Variants in SLC26A8 observed in about 807,000 individuals in gnomAD.
SLC26A8 encodes the protein solute carrier family 26 member 8.
A neutral mutation model predicts 105.0 loss-of-function variants in SLC26A8; 70 were observed. The observed-to-expected ratio is 0.67, with a 90% CI of 0.55 to 0.81. SLC26A8 has a LOEUF of 0.81. SLC26A8 is among the 40% of genes least tolerant of loss of function. The pLI is 0.00. For missense variants in SLC26A8, 998 were observed against 1,181.8 expected (o/e 0.84, Z 2.28); for synonymous variants, 415 against 438.3 (o/e 0.95, Z 0.66).
chr6:35,981,536 C>T lies in SLC26A8; in HGVS notation c.1025+585G>A, dbSNP rs1773266038. Among the ~76,000 whole-genome samples the T allele has an allele frequency of 6.6e-6, 1 of 152,134 alleles. No individual in the cohort carries two copies. Among genetic ancestry groups the T allele is most frequent in the Admixed American group, 6.6e-5 (1 of 15,262 alleles). On this transcript the variant is annotated intron_variant, in intron 8 of 19. Transcript: ENST00000490799. This position sits in a 1 kb window ranked among gnomAD's most constrained non-coding sequence, Gnocchi z 4.0. ...GCACGGCGGTGTACACCTGTAGTCCCAACTACTCAGAGAGCTGAGGAGGGA... is the reference window on the plus strand; with the variant it reads ...GCACGGCGGTGTACACCTGTAGTCCTAACTACTCAGAGAGCTGAGGAGGGA...
Position 36,019,412 on chromosome 6 carries a change from T to G in SLC26A8, c.188+108A>C, listed in dbSNP as rs540081414. The stretch of plus-strand genomic sequence containing the variant: ...AAAAATTGCACAATAAACTGCATGA[T>G]TCTGATTACAGGAACTCAGACAAGA... On this transcript the variant is annotated intron_variant, in intron 2 of 19. Transcript: ENST00000490799. 5 of 1,202,270 alleles carry G rather than the reference T, an allele frequency of 4.2e-6. No individual in the cohort carries two copies. The Admixed American group carries it at 1.2e-4, about 28-fold the overall frequency. 74.5% of individuals were successfully genotyped at this position (1,202,270 alleles called of 1,614,324 possible).
chr6:35,958,859 CT>C, intron 16 of SLC26A8, among the ~76,000 whole-genome samples: 1 of 152,274 alleles, frequency 6.6e-6, no homozygotes, highest in East Asian at 1.9e-4. Flanking sequence ...GAAGGGACTA[CT>C]TAGATCAAGT....
chr6:36,011,905 A>G (rs707992), intron 3 of SLC26A8, among the ~76,000 whole-genome samples: 148,944 of 152,344 alleles, frequency 0.98, 72,818 homozygotes, highest in East Asian at 1. Context: ...CACTATGCCC[A>G]CCTATCCTTC....
chr6:35,962,709 T>G, intron 11 of SLC26A8, 88 bp from the exon 12 acceptor site: 1 of 1,219,464 alleles, frequency 8.2e-7, no homozygotes, highest in Non-Finnish European at 1.2e-6. Context: ...AAAGTTAGCC[T>G]TGCCACTTTG....
intron 7 of SLC26A8, among the ~76,000 whole-genome samples, chr6:35,987,914 T>TC (rs1016824567): frequency 4.3e-5 from 6 of 140,246 alleles, no homozygotes; most frequent in African/African-American, 8.2e-5. Context: ...TTTCTTTCTT[T>TC]TTTTTTTTTT....
chr6:36,011,692 C>T (rs995353188), intron 3 of SLC26A8, among the ~76,000 whole-genome samples: 4 of 152,110 alleles, frequency 2.6e-5, no homozygotes, highest in African/African-American at 9.7e-5. Flanking sequence ...ACTACAGTCT[C>T]GACCTCCTGG....
chr6:35,973,550 G>A (rs1159000784), intron 10 of SLC26A8, among the ~76,000 whole-genome samples: 1 of 151,634 alleles, frequency 6.6e-6, no homozygotes, highest in Non-Finnish European at 1.5e-5. Flanking sequence ...ATATTTTAGC[G>A]ATTTTTTTTT....
In SLC26A8 at chr6:36,019,589, T is replaced by C. The variant is rs752076345; in HGVS notation, c.119A>G (p.Lys40Arg). 3.7e-5 allele frequency: 59 copies of C among 1,614,026 alleles called. No homozygotes were observed. Among genetic ancestry groups the C allele is most frequent in the Non-Finnish European group, 5.0e-5 (59 of 1,180,018 alleles). Residue 40 changes from lysine (K) to arginine (R), a missense_variant, in exon 2 of 20, where the codon AAA (lysine) becomes AGA (arginine). Transcript: ENST00000490799. ...YNEETFQQEH[K>R]RKASSSGNMN... ...GTTCCCAGAAGAGGAGGCCTTCCTT[T>C]TGTGTTCCTGTTGAAAGGTCTCCTC...
rs768118883 is a variant in SLC26A8 at position 36,000,058 on chromosome 6, C to T, written c.379G>A (p.Ala127Thr). 5.0e-6 allele frequency: 8 copies of T among 1,613,876 alleles called. No individual in the cohort carries two copies. Among genetic ancestry groups the T allele is most frequent in the Middle Eastern group, 1.6e-4 (1 of 6,084 alleles). The part of the protein sequence containing the change: ...ARQLIPPLNI[A>T]YAAFCSSVIY... ...ACCGAAGAACAGAAAGCTGCATAAG[C>T]GATGTTGAGAGGAGGAATCAGTTGC... Residue 127 changes from alanine to threonine, a missense_variant, in exon 4 of 20, where the codon GCT becomes ACT. Ala to Thr is a moderately conservative substitution (Grantham distance 58). Transcript: ENST00000490799.
In SLC26A8 at chr6:35,975,369, A is replaced by G. The variant is rs1772964898; in HGVS notation, c.1287+6T>C. On this transcript the variant is annotated splice_donor_region_variant and intron_variant, in intron 10 of 19. Transcript: ENST00000490799. ...GTATTAGAGATCAAATTGTATTTCAACATACCTGTTGTCTTCCTCCAGATT... is the reference window on the plus strand; with the variant it reads ...GTATTAGAGATCAAATTGTATTTCAGCATACCTGTTGTCTTCCTCCAGATT... 1.3e-6 allele frequency: 2 copies of G among 1,526,382 alleles called. No individual in the cohort carries two copies. The highest frequency in any genetic ancestry group is 1.4e-5 in the African/African-American group (1 of 72,860). The allele number at this position is 1,526,382 out of a possible 1,614,324, so 94.6% of individuals were successfully genotyped here.
At chr6:35,951,643 A>G (rs1362917292) in intron 17 of SLC26A8, 144 bp from the exon 18 acceptor site, 2 of 813,784 alleles carry the variant, frequency 2.5e-6, no homozygotes, top group East Asian at 2.7e-5. Context: ...CAGTGGCATG[A>G]TCTCGGCTCA....
chr6:35,994,123 T>C (rs978710438), intron 5 of SLC26A8, among the ~76,000 whole-genome samples: 1 of 147,638 alleles, frequency 6.8e-6, no homozygotes, highest in African/African-American at 2.5e-5. Context: ...TTTCTTTTTT[T>C]TTTTTTTTTG....
At chr6:35,978,691 A>C (rs968879543) in intron 8 of SLC26A8, among the ~76,000 whole-genome samples, 14 of 152,098 alleles carry the variant, frequency 9.2e-5, no homozygotes, top group African/African-American at 3.4e-4. Context: ...AGCAAATAAT[A>C]CCTTATCTAA....
chr6:35,957,517 G>C (rs1772123621), intron 16 of SLC26A8, among the ~76,000 whole-genome samples: 1 of 152,032 alleles, frequency 6.6e-6, no homozygotes, highest in Non-Finnish European at 1.5e-5. Context: ...GAGGTCACTG[G>C]GGCCAGGCAT....
At chr6:36,011,017 C>T (rs1171111179) in intron 3 of SLC26A8, among the ~76,000 whole-genome samples, 1 of 152,222 alleles carries the variant, frequency 6.6e-6, no homozygotes, top group Non-Finnish European at 1.5e-5. Context: ...TTCTTGACCT[C>T]TTTTGTGCTA....
intron 2 of SLC26A8, 96 bp from the exon 3 acceptor site, chr6:36,012,468 TAG>T: frequency 2.9e-6 from 4 of 1,368,220 alleles, no homozygotes; most frequent in Non-Finnish European, 3.9e-6. Context: ...CAAGAAAAAG[TAG>T]AGTCTTGTCA....
chr6:35,971,749 G>C (rs560102163), intron 10 of SLC26A8, among the ~76,000 whole-genome samples: 2 of 152,100 alleles, frequency 1.3e-5, no homozygotes, highest in Admixed American at 1.3e-4. Context: ...CTCTCTCCAC[G>C]GCCCCATTGA....
intron 9 of SLC26A8, 93 bp downstream of exon 9, chr6:35,977,111 C>T: frequency 7.2e-7 from 1 of 1,396,422 alleles, no homozygotes; most frequent in East Asian, 2.4e-5. Flanking sequence ...CCAAGTGGCT[C>T]TTCAGTTAAA....
intron 3 of SLC26A8, among the ~76,000 whole-genome samples, chr6:36,007,159 T>A (rs851041): frequency 0.71 from 107,879 of 151,992 alleles, 38,739 homozygotes; most frequent in Middle Eastern, 0.77. Flanking sequence ...AAAAAGTCAT[T>A]AAGGCCATTC....
Sources: allele counts gnomAD v4.1 joint callset (sites outside exome capture counted in the v4.1 genomes callset), GRCh38; gene constraint gnomAD v4.1.1; non-coding constraint Gnocchi (gnomAD v3.1); transcripts MANE v1.5; gene names NCBI Gene and HGNC (gene_info 2026-07-23, HGNC 2026-07-21).